The following ZMIZ1 variants were observed in gnomAD, a reference collection of about 807,000 sequenced individuals.
ZMIZ1 encodes the protein zinc finger MIZ domain-containing protein 1.
A neutral mutation model predicts 113.9 loss-of-function variants in ZMIZ1; 17 were observed. The observed-to-expected ratio is 0.15, with a 90% CI of 0.10 to 0.22. The LOEUF (loss-of-function observed/expected upper bound fraction) is 0.22, where lower values mean the gene tolerates loss of function less well. ZMIZ1 is among the 10% of genes least tolerant of loss of function. ZMIZ1 has a pLI of 1.00. For synonymous variants in ZMIZ1, 607 were observed against 603.1 expected, an observed-to-expected ratio of 1.01 and a Z score of -0.09; for missense variants, 1,059 against 1,477.8, an observed-to-expected ratio of 0.72 and a Z score of 4.65.
In ZMIZ1 at chr10:79,099,591, G is replaced by A. The variant is rs984149102; in HGVS notation, c.-336-19324G>A. Among the ~76,000 whole-genome samples, 2 of 152,174 alleles carry A rather than the reference G, an allele frequency of 1.3e-5. 1 individual carries two copies. Among genetic ancestry groups the A allele is most frequent in the South Asian group, 4.1e-4 (2 of 4,830 alleles). ...CCAGGTCTGCCCCCATCCCCTCCCC[G>A]GCTCCCTTCAAACCTCCCTGAGCCT... On this transcript the variant is annotated intron_variant, in intron 1 of 24. Transcript: ENST00000334512.
At chr10:79,157,368 G>GGGGTGT (rs1554859152) in intron 3 of ZMIZ1, among the ~76,000 whole-genome samples, 1 of 147,604 alleles carries the variant, frequency 6.8e-6, no homozygotes, top group African/African-American at 2.5e-5. Flanking sequence ...AGGCATAAGG[G>GGGGTGT]GTGTGTGTGT....
At chr10:79,273,901 C>T (rs951217096) in intron 7 of ZMIZ1, among the ~76,000 whole-genome samples, 1 of 152,260 alleles carries the variant, frequency 6.6e-6, no homozygotes, top group Non-Finnish European at 1.5e-5. Flanking sequence ...AGGCAGGAGG[C>T]CAATCGTCAC....
At chr10:79,220,098 C>T (rs1191657354) in intron 7 of ZMIZ1, among the ~76,000 whole-genome samples, 6 of 152,154 alleles carry the variant, frequency 3.9e-5, no homozygotes, top group Non-Finnish European at 7.4e-5. Context: ...ATGGCACCGG[C>T]GCCAGGCCTC....
chr10:79,095,850 G>A lies in ZMIZ1; in HGVS notation c.-336-23065G>A, dbSNP rs535109471. On this transcript the variant is annotated intron_variant, in intron 1 of 24. Transcript: ENST00000334512. ...GGGTCCCTGCATCTGTGTCCTGGTG[G>A]TCAGTTTGAAGCACCAGCAGACAGC... 2.0e-5 allele frequency among the ~76,000 whole-genome samples: 3 copies of A among 152,298 alleles called. No homozygotes were observed. The South Asian group carries it at 6.2e-4, about 32-fold the overall frequency.
At chr10:79,148,667 G>A (rs1021933103) in intron 3 of ZMIZ1, among the ~76,000 whole-genome samples, 1 of 152,160 alleles carries the variant, frequency 6.6e-6, no homozygotes, top group Admixed American at 6.5e-5. Context: ...AAGCTGCTGG[G>A]TCAGCATCCC....
chr10:79,160,050 G>A (rs1846047708), intron 3 of ZMIZ1, among the ~76,000 whole-genome samples: 1 of 152,254 alleles, frequency 6.6e-6, no homozygotes, highest in African/African-American at 2.4e-5. Flanking sequence ...TCTGTCAGCG[G>A]CTCTGCTGGC....
At chr10:79,198,520 G>A (rs1847936472) in intron 4 of ZMIZ1, among the ~76,000 whole-genome samples, 1 of 152,164 alleles carries the variant, frequency 6.6e-6, no homozygotes, top group South Asian at 2.1e-4. Context: ...GGTGGTGGGT[G>A]GGATGAATGG....
At chr10:79,223,412 C>G (rs1034543555) in intron 7 of ZMIZ1, among the ~76,000 whole-genome samples, 1 of 152,236 alleles carries the variant, frequency 6.6e-6, no homozygotes, top group Non-Finnish European at 1.5e-5. Flanking sequence ...GCCCCCACCC[C>G]CACATACAAG....
intron 2 of ZMIZ1, among the ~76,000 whole-genome samples, chr10:79,123,124 C>T (rs903160575): frequency 8.5e-5 from 13 of 152,190 alleles, no homozygotes; most frequent in South Asian, 2.1e-4. Flanking sequence ...GGGCTGCAAC[C>T]GCAGGCAAAG....
At chr10:79,263,904 C>T (rs950218313) in intron 7 of ZMIZ1, among the ~76,000 whole-genome samples, 3 of 152,096 alleles carry the variant, frequency 2.0e-5, no homozygotes, top group African/African-American at 7.2e-5. Context: ...GAGGACACAG[C>T]TAAACTGCCT....
rs118063217 is a variant in ZMIZ1, at chr10:79,092,584, T to C, written c.-337+23314T>C. Among the ~76,000 whole-genome samples, 254 of 152,358 alleles carry C rather than the reference T, an allele frequency of 1.7e-3. 2 individuals are homozygous for C. Among genetic ancestry groups the C allele is most frequent in the Admixed American group, 2.7e-3 (41 of 15,308 alleles). ...TCACAGTAGCATCGCAACACCTCCT[T>C]ATAAGCCTTGGAACCTCGGCCAAGA... On this transcript the variant is annotated intron_variant, in intron 1 of 24. Transcript: ENST00000334512.
intron 1 of ZMIZ1, among the ~76,000 whole-genome samples, chr10:79,083,006 A>G (rs2132192958): frequency 6.6e-6 from 1 of 152,254 alleles, no homozygotes; most frequent in South Asian, 2.1e-4. Flanking sequence ...AAGTTTATCA[A>G]GCACCTTCCA....
At chr10:79,288,820 C>T (rs892543916) in intron 8 of ZMIZ1, among the ~76,000 whole-genome samples, 4 of 152,200 alleles carry the variant, frequency 2.6e-5, no homozygotes, top group Non-Finnish European at 5.9e-5. Flanking sequence ...TCACTGTAGA[C>T]CTAAGCACAA....
At chr10:79,305,092 A>G (rs987560423) in intron 19 of ZMIZ1, 72 bp from the exon 20 acceptor site, 22 of 1,553,464 alleles carry the variant, frequency 1.4e-5, no homozygotes, top group Non-Finnish European at 1.9e-5. Flanking sequence ...AGTTATTCCA[A>G]GGGTCCCTGA....
intron 1 of ZMIZ1, among the ~76,000 whole-genome samples, chr10:79,074,245 C>T (rs994733756): frequency 2.0e-5 from 3 of 152,236 alleles, no homozygotes; most frequent in Non-Finnish European, 2.9e-5. Context: ...CCAACCCCTG[C>T]GCTGCCTCCT....
At chr10:79,150,093 G>A (rs950979283) in intron 3 of ZMIZ1, among the ~76,000 whole-genome samples, 2 of 152,326 alleles carry the variant, frequency 1.3e-5, no homozygotes, top group East Asian at 1.9e-4. Context: ...AAGCCAGGGC[G>A]GGGCTGGAGG....
At chr10:79,238,944 C>T (rs1849702577) in intron 7 of ZMIZ1, among the ~76,000 whole-genome samples, 1 of 152,150 alleles carries the variant, frequency 6.6e-6, no homozygotes, top group Non-Finnish European at 1.5e-5. Flanking sequence ...TGCTTGGGCC[C>T]CTAGCTCTGT....
At chr10:79,197,150 T>C (rs1564712826) in intron 4 of ZMIZ1, among the ~76,000 whole-genome samples, 1 of 152,212 alleles carries the variant, frequency 6.6e-6, no homozygotes, top group East Asian at 1.9e-4. Context: ...TTCTCTTCTG[T>C]CTCCTCCAGC....
At chr10:79,072,052 G>A (rs1842305590) in intron 1 of ZMIZ1, among the ~76,000 whole-genome samples, 1 of 152,182 alleles carries the variant, frequency 6.6e-6, no homozygotes, top group Non-Finnish European at 1.5e-5. Context: ...AGGGCTTACT[G>A]AGAAGAGTTG....
Sources: allele counts gnomAD v4.1 joint callset (sites outside exome capture counted in the v4.1 genomes callset), GRCh38; gene constraint gnomAD v4.1.1; transcripts MANE v1.5; gene names NCBI Gene and HGNC (gene_info 2026-07-23, HGNC 2026-07-21).